The following ZNF536 variants were observed in gnomAD, a reference collection of about 807,000 sequenced individuals.
The protein encoded by ZNF536 is zinc finger protein 536.
ZNF536 carries 13 observed loss-of-function variants against 84.5 expected under a neutral mutation model. The ratio of observed to expected loss-of-function variants is 0.15; its 90% CI spans 0.10 to 0.24. The LOEUF is 0.24. Among genes scored for constraint, ZNF536 ranks in the 10% least tolerant of loss-of-function variants. ZNF536 has a pLI of 1.00. For missense variants in ZNF536, 1,536 were observed against 1,747.5 expected (o/e 0.88, Z 2.16); for synonymous variants, 811 against 742.5 (o/e 1.09, Z -1.50).
intron 1 of ZNF536, among the ~76,000 whole-genome samples, chr19:30,404,862 C>A (rs1362431223): frequency 4.6e-5 from 7 of 152,230 alleles, no homozygotes; most frequent in Non-Finnish European, 8.8e-5. Context: ...CCCCAGGCAC[C>A]AGTTGCAAGT....
At chr19:30,311,234 C>T (rs776847874) in intron 2 of ZNF536, among the ~76,000 whole-genome samples, 5 of 152,146 alleles carry the variant, frequency 3.3e-5, no homozygotes, top group Non-Finnish European at 7.3e-5. Context: ...GCCCATCTGT[C>T]CCTGAGCTCC....
chr19:30,391,371 G>A (rs2049581949), intron 1 of ZNF536, among the ~76,000 whole-genome samples: 1 of 152,204 alleles, frequency 6.6e-6, no homozygotes, highest in African/African-American at 2.4e-5. Context: ...GAGGTCAGGA[G>A]TTTGAGACTG....
intron 2 of ZNF536, among the ~76,000 whole-genome samples, chr19:30,302,153 G>A (rs139044576): frequency 6.6e-6 from 1 of 152,214 alleles, no homozygotes; most frequent in Non-Finnish European, 1.5e-5. Context: ...TCTAAAATAG[G>A]ATGCATGGAG....
At chr19:30,288,656 C>T (rs1600088563) in intron 2 of ZNF536, among the ~76,000 whole-genome samples, 1 of 152,170 alleles carries the variant, frequency 6.6e-6, no homozygotes, top group Non-Finnish European at 1.5e-5. Context: ...CTGGCTCCAC[C>T]ATTCAGTAGC....
intron 1 of ZNF536, among the ~76,000 whole-genome samples, chr19:30,565,426 C>T (rs1292106594): frequency 1.3e-5 from 2 of 152,270 alleles, no homozygotes; most frequent in African/African-American, 2.4e-5. Context: ...CTGTGAAGCC[C>T]GCAGGTCTGC....
intron 1 of ZNF536, among the ~76,000 whole-genome samples, chr19:30,281,885 C>T (rs566546256): frequency 1.3e-5 from 2 of 152,276 alleles, no homozygotes; most frequent in East Asian, 3.9e-4. Context: ...CTGGGTGGCC[C>T]CTCAGGTTGG....
intron 2 of ZNF536, among the ~76,000 whole-genome samples, chr19:30,521,467 C>T (rs1407785849): frequency 6.6e-6 from 1 of 152,128 alleles, no homozygotes; most frequent in African/African-American, 2.4e-5. Context: ...TTGGGAAGTT[C>T]CCATTGAGAA....
At chr19:30,528,924 C>CA (rs75657998) in intron 2 of ZNF536, among the ~76,000 whole-genome samples, 20,390 of 126,050 alleles carry the variant, frequency 0.16, 1,723 homozygotes, top group East Asian at 0.33. Context: ...AATGAGAGGC[C>CA]AAAAAAAAAA....
At chr19:30,614,246 G>A (rs1230793224) in intron 1 of ZNF536, among the ~76,000 whole-genome samples, 1 of 152,044 alleles carries the variant, frequency 6.6e-6, no homozygotes, top group African/African-American at 2.4e-5. Context: ...AAATAATTGC[G>A]GTTTTTGCCA....
At chr19:30,290,639 A>G (rs1206244287) in intron 2 of ZNF536, among the ~76,000 whole-genome samples, 1 of 152,132 alleles carries the variant, frequency 6.6e-6, no homozygotes, top group East Asian at 1.9e-4. Context: ...CACTCTTATG[A>G]ATAATACTGC....
Position 30,445,076 on chromosome 19 carries a change from G to A in ZNF536, c.1514G>A (p.Arg505Gln), listed in dbSNP as rs530763924. The stretch of plus-strand genomic sequence containing the variant: ...CCGCTGAAATCCAGCTGCATCGAGC[G>A]GCTGCAGGCGGCTGCCAAGGCTGCG... ...VPPLKSSCIE[R>Q]LQAAAKAAEM... The change falls in exon 2 of 5, where the codon CGG (arginine) becomes CAG (glutamine). Residue 505 changes from arginine to glutamine, a missense_variant. Coordinates refer to ENST00000355537, the MANE Select transcript of ZNF536 (RefSeq NM_014717.3). This position sits in a 1 kb window ranked among gnomAD's most constrained non-coding sequence, Gnocchi z 4.5. 5 of 1,613,416 alleles carry A rather than the reference G, an allele frequency of 3.1e-6. No homozygotes were observed. The highest frequency in any genetic ancestry group is 3.3e-5 in the Admixed American group (2 of 60,032).
intron 2 of ZNF536, among the ~76,000 whole-genome samples, chr19:30,299,482 TA>T: frequency 6.6e-6 from 1 of 152,200 alleles, no homozygotes; most frequent in Non-Finnish European, 1.5e-5. Flanking sequence ...CCTGTGAGGG[TA>T]GGTGGTGGGG....
At chr19:30,598,212 G>T (rs773799317) in intron 1 of ZNF536, among the ~76,000 whole-genome samples, 5 of 152,210 alleles carry the variant, frequency 3.3e-5, no homozygotes, top group Non-Finnish European at 7.3e-5. Flanking sequence ...CAGCAATAGA[G>T]CAGGAGAAAC....
At chr19:30,291,359 G>A (rs572246765) in intron 2 of ZNF536, among the ~76,000 whole-genome samples, 1 of 152,240 alleles carries the variant, frequency 6.6e-6, no homozygotes, top group African/African-American at 2.4e-5. Flanking sequence ...GTTGTTTCCT[G>A]ACTTTTTAAT....
At chr19:30,640,873 C>A (rs560492004) in intron 1 of ZNF536, among the ~76,000 whole-genome samples, 1 of 152,334 alleles carries the variant, frequency 6.6e-6, no homozygotes, top group East Asian at 1.9e-4. Context: ...TCATTCACAG[C>A]CCTGCTGTTG....
chr19:30,366,450 T>C (rs2146957078), intron 3 of ZNF536, among the ~76,000 whole-genome samples: 1 of 152,048 alleles, frequency 6.6e-6, no homozygotes, highest in South Asian at 2.1e-4. Context: ...CATTTCTTCC[T>C]TTCTCCTTCT....
In ZNF536 at chr19:30,443,802, G is replaced by A. The variant is rs2148154217; in HGVS notation, c.240G>A (p.Gln80=). 6.2e-7 allele frequency: 1 copy of A among 1,613,252 alleles called. No homozygotes were observed. Among genetic ancestry groups the A allele is most frequent in the Non-Finnish European group, 8.5e-7 (1 of 1,179,822 alleles). Residue 80 remains glutamine (Q), a synonymous_variant, in exon 2 of 5, where the codon CAG becomes CAA. Coordinates refer to ENST00000355537, the MANE Select transcript of ZNF536 (RefSeq NM_014717.3). The stretch of plus-strand genomic sequence containing the variant: ...TGAGCGGCCAGCCCATGGGCAGTCA[G>A]ATGGCGCTCCTGGCCAACCAGCTGG... ...VPMSGQPMGS[Q]MALLANQLGR...
chr19:30,646,894 G>A (rs1278112260), intron 1 of ZNF536, among the ~76,000 whole-genome samples: 3 of 152,178 alleles, frequency 2.0e-5, no homozygotes, highest in South Asian at 2.1e-4. Context: ...CTCAGATCTC[G>A]GGAAATTCCA....
intron 1 of ZNF536, among the ~76,000 whole-genome samples, chr19:30,584,688 T>G (rs2047037266): frequency 6.6e-6 from 1 of 152,204 alleles, no homozygotes; most frequent in African/African-American, 2.4e-5. Context: ...CCTCCCTGAT[T>G]CATCATCATT....
Sources: allele counts gnomAD v4.1 joint callset (sites outside exome capture counted in the v4.1 genomes callset), GRCh38; gene constraint gnomAD v4.1.1; non-coding constraint Gnocchi (gnomAD v3.1); transcripts MANE v1.5; gene names NCBI Gene and HGNC (gene_info 2026-07-23, HGNC 2026-07-21).